SMIM35: variants seen among roughly 807,000 people sequenced by gnomAD.
SMIM35 encodes the protein small integral membrane protein 35.
At chr11:118,051,237 C>T (rs1944208084) in intron 1 of SMIM35, among the ~76,000 whole-genome samples, 1 of 152,216 alleles carries the variant, frequency 6.6e-6, no homozygotes, top group African/African-American at 2.4e-5. Context: ...ATAACAAAGG[C>T]TGACATCCTG....
At chr11:118,008,932 A>G (rs1360255664) in intron 4 of SMIM35, among the ~76,000 whole-genome samples, 1 of 152,248 alleles carries the variant, frequency 6.6e-6, no homozygotes, top group African/African-American at 2.4e-5. Flanking sequence ...AGCAGCGTGA[A>G]TAAATGAATG....
At chr11:118,008,472 C>A (rs2058133780) in intron 4 of SMIM35, among the ~76,000 whole-genome samples, 1 of 152,196 alleles carries the variant, frequency 6.6e-6, no homozygotes, top group African/African-American at 2.4e-5. Context: ...TGGGACAAGA[C>A]CATTAAGATT....
At chr11:118,050,046 C>G (rs1196215778) in intron 1 of SMIM35, among the ~76,000 whole-genome samples, 3 of 152,152 alleles carry the variant, frequency 2.0e-5, no homozygotes, top group Non-Finnish European at 4.4e-5. Context: ...TGAAGTCTCT[C>G]AGTACTGGAA....
At chr11:118,076,673 C>G (rs1433637387) in intron 1 of SMIM35, among the ~76,000 whole-genome samples, 1 of 152,110 alleles carries the variant, frequency 6.6e-6, no homozygotes, top group Non-Finnish European at 1.5e-5. Context: ...CTCCCTCCTT[C>G]TCTGTGGACT....
intron 1 of SMIM35, among the ~76,000 whole-genome samples, chr11:118,077,762 A>G (rs1455462508): frequency 6.6e-6 from 1 of 152,174 alleles, no homozygotes; most frequent in Non-Finnish European, 1.5e-5. Context: ...CTGTAGTCCC[A>G]GCACTTTGCG....
At chr11:118,027,221 G>T (rs2058282154) in intron 1 of SMIM35, among the ~76,000 whole-genome samples, 1 of 147,464 alleles carries the variant, frequency 6.8e-6, no homozygotes, top group African/African-American at 2.5e-5. Flanking sequence ...TAGAGACGGG[G>T]TTTCACCTTG....
intron 1 of SMIM35, among the ~76,000 whole-genome samples, chr11:118,023,906 G>A (rs752467933): frequency 2.6e-5 from 4 of 151,858 alleles, no homozygotes; most frequent in Non-Finnish European, 5.9e-5. Context: ...GTGGTGGCGT[G>A]TGCCTGTAAT....
chr11:118,014,009 A>G (rs916843799), intron 3 of SMIM35, 129 bp from the exon 4 acceptor site: 4 of 394,684 alleles, frequency 1.0e-5, no homozygotes, highest in African/African-American at 4.1e-5. Context: ...GCCACTTACC[A>G]TAATCATCTC....
intron 1 of SMIM35, among the ~76,000 whole-genome samples, chr11:118,069,634 A>G (rs1255130346): frequency 6.6e-6 from 1 of 152,178 alleles, no homozygotes; most frequent in African/African-American, 2.4e-5. Flanking sequence ...CCCCAAAAGC[A>G]TGTGTCGGAA....
chr11:118,020,452 A>G (rs547768591), intron 1 of SMIM35, among the ~76,000 whole-genome samples: 1 of 152,310 alleles, frequency 6.6e-6, no homozygotes, highest in African/African-American at 2.4e-5. Context: ...ATAACAGTAA[A>G]TGTATAGGTT....
intron 1 of SMIM35, among the ~76,000 whole-genome samples, chr11:118,040,966 T>C (rs1251361062): frequency 1.3e-5 from 2 of 151,418 alleles, no homozygotes; most frequent in African/African-American, 4.8e-5. Context: ...TAATAATATA[T>C]AATGTATACC....
chr11:118,060,332 G>A (rs1944376116), intron 1 of SMIM35, among the ~76,000 whole-genome samples: 1 of 152,196 alleles, frequency 6.6e-6, no homozygotes. Flanking sequence ...CATGCTGTGA[G>A]TGTGAGCACC....
intron 1 of SMIM35, among the ~76,000 whole-genome samples, chr11:118,069,204 T>C (rs1234540828): frequency 6.6e-6 from 1 of 152,228 alleles, no homozygotes; most frequent in Admixed American, 6.5e-5. Flanking sequence ...AGTTCCCTCA[T>C]CTGTAAGATG....
chr11:118,020,877 A>G (rs969621283), intron 1 of SMIM35, among the ~76,000 whole-genome samples: 3 of 152,082 alleles, frequency 2.0e-5, no homozygotes, highest in African/African-American at 7.2e-5. Flanking sequence ...TATGTATTTG[A>G]TGCTCTAAAT....
At chr11:118,017,851 G>C (rs1028487873) in intron 1 of SMIM35, among the ~76,000 whole-genome samples, 1 of 152,152 alleles carries the variant, frequency 6.6e-6, no homozygotes, top group Non-Finnish European at 1.5e-5. Flanking sequence ...AGCAAAAGCG[G>C]GGAAAGTCCC....
chr11:118,007,837 C>T (rs1372373041), intron 4 of SMIM35, among the ~76,000 whole-genome samples: 1 of 151,912 alleles, frequency 6.6e-6, no homozygotes, highest in African/African-American at 2.4e-5. Context: ...ACTGCCCAAC[C>T]TGTTTTTTCT....
intron 1 of SMIM35, among the ~76,000 whole-genome samples, chr11:118,064,526 C>A (rs1466687164): frequency 6.6e-6 from 1 of 152,222 alleles, no homozygotes; most frequent in East Asian, 1.9e-4. Context: ...TCAGGATATC[C>A]TCTTCCCTCA....
intron 1 of SMIM35, among the ~76,000 whole-genome samples, chr11:118,051,775 G>T (rs1170585082): frequency 6.6e-6 from 1 of 152,126 alleles, no homozygotes; most frequent in African/African-American, 2.4e-5. Context: ...CCTCTACAGT[G>T]ACACATTTTC....
At chr11:118,021,738 G>C (rs1033245883) in intron 1 of SMIM35, among the ~76,000 whole-genome samples, 1 of 152,146 alleles carries the variant, frequency 6.6e-6, no homozygotes, top group Admixed American at 6.5e-5. Context: ...AACTCATCAA[G>C]AGGACATTTC....
Sources: gnomAD v4.1 joint callset for allele counts (sites outside exome capture counted in the v4.1 genomes callset) on GRCh38, gnomAD v4.1.1 for gene constraint, MANE v1.5 for transcripts, NCBI Gene and HGNC (gene_info 2026-07-23, HGNC 2026-07-21) for gene names.